Variants in PRORP observed in about 807,000 individuals in gnomAD.
PRORP encodes the protein protein only RNase P catalytic subunit, also known as mitochondrial ribonuclease P catalytic subunit.
In PRORP, 51 loss-of-function variants were observed where a neutral mutation model predicts 59.4. That is an observed-to-expected ratio of 0.86 (90% confidence interval 0.69 to 1.08). PRORP has a LOEUF of 1.08. PRORP is among the 50% of genes least tolerant of loss of function. The probability of loss-of-function intolerance (pLI) is 0.00; values close to 1 mark genes in which losing one functional copy is unlikely to be tolerated. For synonymous variants in PRORP, 231 were observed against 245.6 expected (o/e 0.94, Z 0.55); for missense variants, 646 against 690.3 (o/e 0.94, Z 0.72).
rs776449062 is a variant in PRORP at position 35,180,824 on chromosome 14, A to T, written c.1275+47A>T. On this transcript the variant is annotated intron_variant, in intron 5 of 7. Coordinates refer to ENST00000534898, the MANE Select transcript of PRORP (RefSeq NM_014672.4). ...TTATTCCACATCTCTAGAAATATTTATTATACCCATTTATGACCTTCTTGG... is the reference window on the plus strand; with the variant it reads ...TTATTCCACATCTCTAGAAATATTTTTTATACCCATTTATGACCTTCTTGG... 27 of 1,248,470 alleles carry T rather than the reference A, an allele frequency of 2.2e-5. No individual in the cohort carries two copies. In the East Asian group the frequency reaches 6.1e-4, roughly 28 times the overall value. The allele number at this position is 1,248,470 out of a possible 1,614,324, so 77.3% of individuals were successfully genotyped here. A position where few individuals can be genotyped will look rare whatever the true frequency, so the allele number is the denominator to read the frequency against.
intron 5 of PRORP, among the ~76,000 whole-genome samples, chr14:35,237,680 A>G (rs1258613050): frequency 6.6e-6 from 1 of 152,080 alleles, no homozygotes; most frequent in African/African-American, 2.4e-5. Flanking sequence ...TTTATTTGAG[A>G]CAGCGTCTTG....
At chr14:35,190,255 G>A (rs891007733) in intron 5 of PRORP, among the ~76,000 whole-genome samples, 4 of 151,264 alleles carry the variant, frequency 2.6e-5, no homozygotes, top group South Asian at 4.2e-4. Context: ...AAAATTAGCC[G>A]GGCGTGGTGG....
chr14:35,174,218 A>AT lies in PRORP; in HGVS notation c.1168-6452_1168-6451insT, dbSNP rs1243963927. Reference sequence around the variant, plus strand: ...TTCAGACAGATTTTAAAACTACCAAACCTTCAAATGTCATGTCCCCTCCAG... The same window carrying AT: ...TTCAGACAGATTTTAAAACTACCAAATCCTTCAAATGTCATGTCCCCTCCAG... On this transcript the variant is annotated intron_variant, in intron 4 of 7. Transcript: ENST00000534898. Among the ~76,000 whole-genome samples, 7 of 97,714 alleles carry AT rather than the reference A, an allele frequency of 7.2e-5. 1 individual carries two copies. The highest frequency in any genetic ancestry group is 2.6e-4 in the African/African-American group (7 of 27,108). 64.1% of individuals were successfully genotyped at this position (97,714 alleles called of 152,430 possible).
intron 5 of PRORP, among the ~76,000 whole-genome samples, chr14:35,236,729 A>C (rs1394046011): frequency 6.6e-6 from 1 of 151,418 alleles, no homozygotes; most frequent in Admixed American, 6.6e-5. Flanking sequence ...TTACTCCTTA[A>C]ATGTTGGTGT....
chr14:35,226,326 T>C (rs1470838731), intron 5 of PRORP, among the ~76,000 whole-genome samples: 1 of 152,210 alleles, frequency 6.6e-6, no homozygotes, highest in African/African-American at 2.4e-5. Flanking sequence ...GATACCTAAA[T>C]CATTAATATG....
intron 2 of PRORP, among the ~76,000 whole-genome samples, chr14:35,126,474 G>T (rs2047100503): frequency 1.3e-5 from 2 of 152,150 alleles, no homozygotes. Flanking sequence ...TGCTACTAAG[G>T]TCAGCCGCTT....
chr14:35,168,215 A>G (rs2048232366), intron 4 of PRORP, among the ~76,000 whole-genome samples: 1 of 152,216 alleles, frequency 6.6e-6, no homozygotes, highest in Middle Eastern at 3.2e-3. Context: ...TGGTTGTACC[A>G]TCCCGCATTC....
chr14:35,129,172 C>CA (rs1334777590), intron 4 of PRORP, among the ~76,000 whole-genome samples: 1 of 151,948 alleles, frequency 6.6e-6, no homozygotes, highest in Non-Finnish European at 1.5e-5. Flanking sequence ...CACGCCATTG[C>CA]ACTCCAGCTT....
intron 5 of PRORP, among the ~76,000 whole-genome samples, chr14:35,255,130 G>GT (rs960810388): frequency 3.3e-5 from 5 of 151,864 alleles, no homozygotes; most frequent in Admixed American, 1.3e-4. Context: ...GTGTTTGGTT[G>GT]TTTTTTTGTT....
chr14:35,228,904 T>C (rs2050003586), intron 5 of PRORP, among the ~76,000 whole-genome samples: 1 of 152,188 alleles, frequency 6.6e-6, no homozygotes, highest in Non-Finnish European at 1.5e-5. Flanking sequence ...AACCAATCTA[T>C]ATTCCCACCA....
rs758570151 is a variant in PRORP at position 35,158,979 on chromosome 14, A to T, written c.1168-21691A>T. 59 of 349,738 alleles carry T rather than the reference A, an allele frequency of 1.7e-4. 1 individual carries two copies. The highest frequency in any genetic ancestry group is 1.4e-4 in the Admixed American group (4 of 28,956). 21.7% of individuals were successfully genotyped at this position (349,738 alleles called of 1,614,324 possible). A position where few individuals can be genotyped will look rare whatever the true frequency, so the allele number is the denominator to read the frequency against. Reference sequence around the variant, plus strand: ...ATTCTCTGGATACTTGATTTGGGAGATTGGCAAATCCCACACATTTCCATC... The same window carrying T: ...ATTCTCTGGATACTTGATTTGGGAGTTTGGCAAATCCCACACATTTCCATC... On this transcript the variant is annotated intron_variant, in intron 4 of 7. Coordinates refer to ENST00000534898, the MANE Select transcript of PRORP (RefSeq NM_014672.4).
chr14:35,177,295 T>C (rs1339947431), intron 4 of PRORP, among the ~76,000 whole-genome samples: 1 of 152,182 alleles, frequency 6.6e-6, no homozygotes. Context: ...TTTCTATTGA[T>C]TGGAATAGTT....
intron 4 of PRORP, among the ~76,000 whole-genome samples, chr14:35,164,711 C>T (rs2048140867): frequency 1.3e-5 from 2 of 151,846 alleles, no homozygotes; most frequent in Non-Finnish European, 2.9e-5. Flanking sequence ...ACCCATGTAA[C>T]GAACCTCTAC....
intron 5 of PRORP, among the ~76,000 whole-genome samples, chr14:35,241,115 C>G (rs536600173): frequency 1.3e-5 from 2 of 152,130 alleles, no homozygotes; most frequent in Admixed American, 1.3e-4. Context: ...CAGTGGCTCA[C>G]GCCTGTAATC....
chr14:35,179,164 G>A (rs1377500877), intron 4 of PRORP, among the ~76,000 whole-genome samples: 4 of 152,134 alleles, frequency 2.6e-5, no homozygotes, highest in Non-Finnish European at 5.9e-5. Context: ...CTCTCTAGCT[G>A]CCCTTAACAT....
chr14:35,237,306 G>A (rs981113466), intron 5 of PRORP, among the ~76,000 whole-genome samples: 6 of 151,432 alleles, frequency 4.0e-5, no homozygotes, highest in African/African-American at 7.3e-5. Flanking sequence ...TTGCCCAGGC[G>A]GATCTCAAAC....
chr14:35,222,075 T>G (rs1595338005), intron 5 of PRORP: 2 of 152,016 alleles, frequency 1.3e-5, no homozygotes, highest in South Asian at 4.2e-4. Flanking sequence ...TAATATTATA[T>G]TCACCTCTCC....
chr14:35,261,317 G>A (rs1198379447), intron 5 of PRORP, among the ~76,000 whole-genome samples: 1 of 152,192 alleles, frequency 6.6e-6, no homozygotes, highest in East Asian at 1.9e-4. Flanking sequence ...TAATGTCCAA[G>A]GTTTTTAGTT....
At chr14:35,255,629 T>G (rs1266036408) in intron 5 of PRORP, among the ~76,000 whole-genome samples, 2 of 152,150 alleles carry the variant, frequency 1.3e-5, no homozygotes, top group African/African-American at 4.8e-5. Flanking sequence ...TCCTCCTACC[T>G]CAGCATCCCA....
Sources: gnomAD v4.1 joint callset for allele counts (sites outside exome capture counted in the v4.1 genomes callset) on GRCh38, gnomAD v4.1.1 for gene constraint, MANE v1.5 for transcripts, NCBI Gene and HGNC (gene_info 2026-07-23, HGNC 2026-07-21) for gene names.